Variants in HMBOX1 observed in about 807,000 individuals in gnomAD.
HMBOX1 encodes the protein homeobox-containing protein 1.
A neutral mutation model predicts 54.5 loss-of-function variants in HMBOX1; 14 were observed. The ratio of observed to expected loss-of-function variants is 0.26; its 90% CI spans 0.17 to 0.40. The LOEUF (loss-of-function observed/expected upper bound fraction) is 0.40, where lower values mean the gene tolerates loss of function less well. Among genes scored for constraint, HMBOX1 ranks in the 10% least tolerant of loss-of-function variants. The pLI is 1.00. For missense variants in HMBOX1, 332 were observed against 514.4 expected (o/e 0.65, Z 3.43); for synonymous variants, 160 against 181.0 (o/e 0.88, Z 0.93).
intron 6 of HMBOX1, among the ~76,000 whole-genome samples, chr8:29,037,175 CATT>C (rs1804026705): frequency 1.3e-5 from 2 of 152,064 alleles, no homozygotes; most frequent in African/African-American, 2.4e-5. Context: ...TGGACAGAGC[CATT>C]ATTTATTTTA....
chr8:28,936,159 T>C (rs1272929434), intron 1 of HMBOX1, among the ~76,000 whole-genome samples: 2 of 152,062 alleles, frequency 1.3e-5, no homozygotes, highest in African/African-American at 4.8e-5. Flanking sequence ...AATTATCTCC[T>C]AAGGGAAGCG....
intron 1 of HMBOX1, among the ~76,000 whole-genome samples, chr8:28,944,287 A>C (rs1273201894): frequency 6.6e-6 from 1 of 152,196 alleles, no homozygotes; most frequent in Non-Finnish European, 1.5e-5. Context: ...TTTATTATTA[A>C]GTGTAGACTG....
intron 4 of HMBOX1, among the ~76,000 whole-genome samples, chr8:29,005,052 A>T (rs1833235904): frequency 6.6e-6 from 1 of 152,238 alleles, no homozygotes; most frequent in South Asian, 2.1e-4. Context: ...TTAAATTTAG[A>T]GGGAAGAAAT....
intron 1 of HMBOX1, among the ~76,000 whole-genome samples, chr8:28,926,300 T>C (rs138827511): frequency 0.03 from 4,197 of 139,362 alleles, 208 homozygotes; most frequent in African/African-American, 0.12. Flanking sequence ...TATATATATA[T>C]ATATACACAC....
intron 6 of HMBOX1, among the ~76,000 whole-genome samples, chr8:29,042,320 T>C (rs1420033328): frequency 6.6e-6 from 1 of 152,144 alleles, no homozygotes; most frequent in Non-Finnish European, 1.5e-5. Context: ...GCATGCATCT[T>C]CCTCTGCCAT....
chr8:29,009,525 T>A, intron 5 of HMBOX1: 19 of 57,046 alleles, frequency 3.3e-4, no homozygotes, highest in Non-Finnish European at 4.0e-4. Flanking sequence ...CCGTATCTCT[T>A]TTTTTTTTTT....
intron 1 of HMBOX1, chr8:28,949,848 T>A (rs1293336708): frequency 6.6e-6 from 1 of 152,200 alleles, no homozygotes; most frequent in African/African-American, 2.4e-5. Flanking sequence ...GTTTATTTGC[T>A]GTCCTGAGGC....
At chr8:29,007,309 A>G (rs1034682029) in intron 4 of HMBOX1, among the ~76,000 whole-genome samples, 2 of 152,124 alleles carry the variant, frequency 1.3e-5, no homozygotes, top group African/African-American at 4.8e-5. Flanking sequence ...CAAAGAAAAA[A>G]AAAAGTAGTA....
intron 4 of HMBOX1, among the ~76,000 whole-genome samples, chr8:29,004,215 C>G (rs1478683442): frequency 6.6e-6 from 1 of 152,142 alleles, no homozygotes; most frequent in Non-Finnish European, 1.5e-5. Flanking sequence ...AAAGAATGGT[C>G]TGGTACCCTG....
intron 1 of HMBOX1, among the ~76,000 whole-genome samples, chr8:28,930,436 G>T (rs1006760694): frequency 1.3e-5 from 2 of 152,064 alleles, no homozygotes; most frequent in African/African-American, 4.8e-5. Context: ...CATCTTAGAC[G>T]TGTAGATACT....
chr8:28,894,182 C>G (rs1223874133), intron 1 of HMBOX1, among the ~76,000 whole-genome samples: 4 of 152,090 alleles, frequency 2.6e-5, no homozygotes, highest in African/African-American at 9.7e-5. Flanking sequence ...CTTTTACTTC[C>G]CACTGTAGTA....
chr8:29,024,001 T>G (rs1360868394), intron 6 of HMBOX1, among the ~76,000 whole-genome samples: 1 of 152,208 alleles, frequency 6.6e-6, no homozygotes, highest in Non-Finnish European at 1.5e-5. Context: ...CGACGATTGT[T>G]TCCCAATCAT....
At chr8:28,960,970 A>G (rs919549137) in intron 1 of HMBOX1, among the ~76,000 whole-genome samples, 8 of 151,436 alleles carry the variant, frequency 5.3e-5, no homozygotes, top group Non-Finnish European at 1.2e-4. Context: ...TGTTTTTGGT[A>G]GAGACGGGGT....
intron 1 of HMBOX1, chr8:28,949,685 A>G (rs556670443): frequency 6.6e-6 from 1 of 152,326 alleles, no homozygotes; most frequent in East Asian, 1.9e-4. Context: ...TTGCCAGCTC[A>G]TTGGTAGCAG....
At chr8:28,918,842 A>G (rs897622200) in intron 1 of HMBOX1, among the ~76,000 whole-genome samples, 6 of 152,222 alleles carry the variant, frequency 3.9e-5, no homozygotes, top group South Asian at 2.1e-4. Flanking sequence ...GCTGCTATTT[A>G]TGATATATTA....
At chr8:29,033,270 AG>A (rs1803296910) in intron 6 of HMBOX1, among the ~76,000 whole-genome samples, 1 of 151,928 alleles carries the variant, frequency 6.6e-6, no homozygotes, top group Non-Finnish European at 1.5e-5. Context: ...TTATGCCGGA[AG>A]TTGTATTTTA....
At chr8:29,035,579 T>C (rs1004585945) in intron 6 of HMBOX1, among the ~76,000 whole-genome samples, 11 of 152,290 alleles carry the variant, frequency 7.2e-5, no homozygotes, top group African/African-American at 2.6e-4. Flanking sequence ...GTGAACTGGT[T>C]AAGTGCAGTT....
At chr8:28,923,935 C>T (rs1817964742) in intron 1 of HMBOX1, among the ~76,000 whole-genome samples, 2 of 151,646 alleles carry the variant, frequency 1.3e-5, no homozygotes, top group South Asian at 4.2e-4. Flanking sequence ...CTGTTTAAAC[C>T]CTTTGCCCAT....
chr8:29,033,518 A>G lies in HMBOX1; in HGVS notation c.852-11843A>G, dbSNP rs184062707. Among the ~76,000 whole-genome samples the G allele has an allele frequency of 3.3e-5, 5 of 152,318 alleles. No individual in the cohort carries two copies. The East Asian group carries it at 9.6e-4, about 29-fold the overall frequency. ...TCCATTTCTCATAGCCAGTAAGAAGATGAACTGTGCTTAAATGTATTTTAA... is the reference window on the plus strand; with the variant it reads ...TCCATTTCTCATAGCCAGTAAGAAGGTGAACTGTGCTTAAATGTATTTTAA... On this transcript the variant is annotated intron_variant, in intron 6 of 9. Coordinates refer to ENST00000287701, the MANE Select transcript of HMBOX1 (RefSeq NM_001135726.3).
Sources: allele counts gnomAD v4.1 joint callset (sites outside exome capture counted in the v4.1 genomes callset), GRCh38; gene constraint gnomAD v4.1.1; transcripts MANE v1.5; gene names NCBI Gene and HGNC (gene_info 2026-07-23, HGNC 2026-07-21).